The following SLC24A2 variants were observed in gnomAD, a reference collection of about 807,000 sequenced individuals.
SLC24A2 encodes the protein sodium/potassium/calcium exchanger 2.
SLC24A2 carries 36 observed loss-of-function variants against 62.0 expected under a neutral mutation model. That is an observed-to-expected ratio of 0.58 (90% CI 0.44 to 0.77). The LOEUF (loss-of-function observed/expected upper bound fraction) is 0.77, where lower values mean the gene tolerates loss of function less well. SLC24A2 is among the 30% of genes least tolerant of loss of function. The probability of loss-of-function intolerance (pLI) is 0.00; values close to 1 mark genes in which losing one functional copy is unlikely to be tolerated. For synonymous variants in SLC24A2, 358 were observed against 294.0 expected (o/e 1.22, Z -2.23); for missense variants, 846 against 817.9 (o/e 1.03, Z -0.42).
At chr9:19,935,199 C>T in the SLC24A2 span, among the ~76,000 whole-genome samples, 1 of 151,094 alleles carries the variant, frequency 6.6e-6, no homozygotes, top group South Asian at 2.1e-4. Context: ...CCAGCCTGAC[C>T]TACTATATTG....
At chr9:19,662,900 T>C (rs986624693) in intron 2 of SLC24A2, among the ~76,000 whole-genome samples, 33 of 152,222 alleles carry the variant, frequency 2.2e-4, no homozygotes, top group African/African-American at 7.0e-4. Flanking sequence ...GTGTTATGTG[T>C]ATATTCCATG....
chr9:19,921,077 A>AT, the SLC24A2 span, among the ~76,000 whole-genome samples: 64 of 92,716 alleles, frequency 6.9e-4, 1 homozygote, highest in Non-Finnish European at 1.1e-3. Context: ...CATAATTATT[A>AT]TGGGGGGGGG....
the SLC24A2 span, among the ~76,000 whole-genome samples, chr9:20,153,504 G>C: frequency 2.0e-5 from 3 of 151,704 alleles, no homozygotes; most frequent in East Asian, 1.9e-4. Flanking sequence ...CTCTGACCTA[G>C]GTACCTCATC....
chr9:20,260,942 A>G, the SLC24A2 span, among the ~76,000 whole-genome samples: 96,487 of 147,114 alleles, frequency 0.66, 33,237 homozygotes, highest in East Asian at 0.95. Context: ...TGCAACCTCC[A>G]CCTCCCGGGT....
At chr9:20,056,512 T>C in the SLC24A2 span, among the ~76,000 whole-genome samples, 3 of 152,194 alleles carry the variant, frequency 2.0e-5, no homozygotes, top group Admixed American at 1.3e-4. Context: ...GTGTTGATCA[T>C]CTTGAGTACA....
chr9:19,593,103 G>A (rs568825988), intron 5 of SLC24A2, among the ~76,000 whole-genome samples: 1 of 152,250 alleles, frequency 6.6e-6, no homozygotes, highest in African/African-American at 2.4e-5. Context: ...GAACATGGCA[G>A]TGGAGACATC....
At chr9:20,243,172 A>G in the SLC24A2 span, among the ~76,000 whole-genome samples, 1 of 152,154 alleles carries the variant, frequency 6.6e-6, no homozygotes, top group Non-Finnish European at 1.5e-5. Flanking sequence ...CTAAGCTCGC[A>G]CTTATATTCT....
intron 2 of SLC24A2, among the ~76,000 whole-genome samples, chr9:19,688,373 C>T (rs1819947033): frequency 6.6e-6 from 1 of 151,982 alleles, no homozygotes; most frequent in Admixed American, 6.6e-5. Flanking sequence ...AATGAGAAAA[C>T]ATGAAAATGG....
the SLC24A2 span, among the ~76,000 whole-genome samples, chr9:19,813,317 CTT>C: frequency 7.0e-5 from 6 of 86,282 alleles, no homozygotes; most frequent in African/African-American, 1.4e-4. Flanking sequence ...TCATCTTCCT[CTT>C]TTTTTTTTTT....
chr9:19,885,408 C>T, the SLC24A2 span, among the ~76,000 whole-genome samples: 1 of 152,280 alleles, frequency 6.6e-6, no homozygotes, highest in Non-Finnish European at 1.5e-5. Context: ...GATGATGATG[C>T]TTTAATGTAT....
the SLC24A2 span, among the ~76,000 whole-genome samples, chr9:20,094,606 T>C: frequency 6.6e-6 from 1 of 152,190 alleles, no homozygotes; most frequent in Non-Finnish European, 1.5e-5. Flanking sequence ...TCACCGGTTA[T>C]TGATGTACTA....
the SLC24A2 span, among the ~76,000 whole-genome samples, chr9:20,157,654 C>T: frequency 6.6e-6 from 1 of 151,494 alleles, no homozygotes; most frequent in Non-Finnish European, 1.5e-5. Context: ...TCTGTTTCCA[C>T]AAGAAACCTT....
At chr9:19,619,535 G>A (rs1228672975) in intron 4 of SLC24A2, 49 bp downstream of exon 4, 3 of 1,386,266 alleles carry the variant, frequency 2.2e-6, no homozygotes, top group Middle Eastern at 1.8e-4. Context: ...AAGCCTTTTG[G>A]CATCCTTTTC....
the SLC24A2 span, among the ~76,000 whole-genome samples, chr9:20,263,655 T>G: frequency 2.0e-5 from 3 of 152,220 alleles, no homozygotes; most frequent in Non-Finnish European, 2.9e-5. Context: ...TGAATCACCA[T>G]GCACTACATG....
At chr9:20,042,947 GGC>G in the SLC24A2 span, among the ~76,000 whole-genome samples, 1 of 152,114 alleles carries the variant, frequency 6.6e-6, no homozygotes, top group East Asian at 1.9e-4. Context: ...GTATTTTAAT[GGC>G]TCCAATGACT....
the SLC24A2 span, among the ~76,000 whole-genome samples, chr9:20,243,999 A>T: frequency 6.6e-6 from 1 of 152,240 alleles, no homozygotes; most frequent in Admixed American, 6.5e-5. Context: ...TCAAACAGGA[A>T]GTCCGGCTGC....
chr9:19,871,583 T>A, the SLC24A2 span, among the ~76,000 whole-genome samples: 2 of 152,188 alleles, frequency 1.3e-5, no homozygotes, highest in Non-Finnish European at 2.9e-5. Flanking sequence ...ATTTTATTCA[T>A]ATTTGTATAT....
chr9:19,817,963 C>T, the SLC24A2 span, among the ~76,000 whole-genome samples: 1 of 152,058 alleles, frequency 6.6e-6, no homozygotes, highest in South Asian at 2.1e-4. Flanking sequence ...CTCTTGGCCT[C>T]AAGACATCCT....
At chr9:19,564,037 TAGAG>T (rs951914234) in intron 7 of SLC24A2, among the ~76,000 whole-genome samples, 2 of 151,720 alleles carry the variant, frequency 1.3e-5, no homozygotes, top group African/African-American at 4.8e-5. Context: ...GTATTTTTGG[TAGAG>T]AGAGTGTTTT....
Sources: allele counts gnomAD v4.1 joint callset (sites outside exome capture counted in the v4.1 genomes callset), GRCh38; gene constraint gnomAD v4.1.1; transcripts MANE v1.5; gene names NCBI Gene and HGNC (gene_info 2026-07-23, HGNC 2026-07-21).